NEGR1: variants seen among roughly 807,000 people sequenced by gnomAD.
The protein encoded by NEGR1 is neuronal growth regulator 1, also known as IgLON family member 4.
In NEGR1, 10 loss-of-function variants were observed where a neutral mutation model predicts 40.9. That is an observed-to-expected ratio of 0.24 (90% CI 0.15 to 0.42). The LOEUF is 0.42. Among genes scored for constraint, NEGR1 ranks in the 10% least tolerant of loss-of-function variants. The probability of loss-of-function intolerance (pLI) is 1.00; values close to 1 mark genes in which losing one functional copy is unlikely to be tolerated. For synonymous variants in NEGR1, 185 were observed against 166.8 expected, an observed-to-expected ratio of 1.11 and a Z score of -0.84; for missense variants, 352 against 438.9, an observed-to-expected ratio of 0.80 and a Z score of 1.77.
In NEGR1 at chr1:71,598,890, A is replaced by G. The variant is rs546261822; in HGVS notation, c.789-5922T>C. Among the ~76,000 whole-genome samples the G allele has an allele frequency of 8.5e-5, 13 of 152,194 alleles. No homozygotes were observed. In the East Asian group the frequency reaches 2.5e-3, roughly 29 times the overall value. On this transcript the variant is annotated intron_variant, in intron 5 of 6. Transcript: ENST00000357731. Reference sequence around the variant, plus strand: ...TCATTTCAGCTTTAAGTTTTCATATATTTGTGTGATTTTTTATTAATATCC... The same window carrying G: ...TCATTTCAGCTTTAAGTTTTCATATGTTTGTGTGATTTTTTATTAATATCC...
chr1:71,473,473 A>G lies in NEGR1; in HGVS notation c.941-65903T>C, dbSNP rs1646796853. Among the ~76,000 whole-genome samples the G allele has an allele frequency of 2.0e-5, 3 of 152,114 alleles. No homozygotes were observed. In the South Asian group the frequency reaches 6.2e-4, roughly 31 times the overall value. On this transcript the variant is annotated intron_variant, in intron 6 of 6. Transcript: ENST00000357731. ...CATATCATAAAACAACTGGGAGTAAAAGAGTTAACACTATACCTGCAACTT... is the reference window on the plus strand; with the variant it reads ...CATATCATAAAACAACTGGGAGTAAGAGAGTTAACACTATACCTGCAACTT...
chr1:72,098,060 A>T (rs1411395564), intron 1 of NEGR1, among the ~76,000 whole-genome samples: 3 of 152,152 alleles, frequency 2.0e-5, no homozygotes, highest in Non-Finnish European at 2.9e-5. Flanking sequence ...TAGGGTCAAG[A>T]GTGACCTCCA....
At position 71,457,594 on chromosome 1, in the gene NEGR1, G is replaced by T. The variant is rs1395571375; in HGVS notation, c.941-50024C>A. ...AGTTTTTTATTGCGAATTCAGCGAG[G>T]ACATTAACATTTTTATATGTAAATA... On this transcript the variant is annotated intron_variant, in intron 6 of 6. Coordinates refer to ENST00000357731, the MANE Select transcript of NEGR1 (RefSeq NM_173808.3). Among the ~76,000 whole-genome samples the T allele has an allele frequency of 2.0e-5, 3 of 152,124 alleles. No individual in the cohort carries two copies. In the East Asian group the frequency reaches 5.8e-4, roughly 29 times the overall value.
intron 2 of NEGR1, among the ~76,000 whole-genome samples, chr1:71,925,377 C>A (rs1645763145): frequency 6.6e-6 from 1 of 152,162 alleles, no homozygotes; most frequent in Non-Finnish European, 1.5e-5. Context: ...CGAATCTTTC[C>A]ACTTCTAACC....
intron 6 of NEGR1, among the ~76,000 whole-genome samples, chr1:71,437,217 G>A (rs1327489520): frequency 6.6e-6 from 1 of 151,830 alleles, no homozygotes; most frequent in Non-Finnish European, 1.5e-5. Flanking sequence ...TCCAGAATAG[G>A]CAACAATATA....
At chr1:71,512,678 G>A (rs866463750) in intron 6 of NEGR1, among the ~76,000 whole-genome samples, 2 of 151,826 alleles carry the variant, frequency 1.3e-5, no homozygotes, top group Non-Finnish European at 2.9e-5. Context: ...TGCCTCCCAG[G>A]TTCAAGCAGT....
At chr1:72,234,306 GAT>G (rs1466981640) in intron 1 of NEGR1, among the ~76,000 whole-genome samples, 1 of 152,056 alleles carries the variant, frequency 6.6e-6, no homozygotes, top group Non-Finnish European at 1.5e-5. Context: ...TCCTGCAAAG[GAT>G]ATAGTCTTGT....
intron 6 of NEGR1, among the ~76,000 whole-genome samples, chr1:71,449,518 T>C (rs1249853141): frequency 2.0e-5 from 3 of 152,246 alleles, no homozygotes; most frequent in Admixed American, 6.5e-5. Context: ...AGTTACATTC[T>C]GTGAACAATT....
intron 2 of NEGR1, among the ~76,000 whole-genome samples, chr1:71,861,094 T>C (rs1659932032): frequency 6.6e-6 from 1 of 152,076 alleles, no homozygotes; most frequent in African/African-American, 2.4e-5. Context: ...AATATTTTAT[T>C]GGATCTGTAT....
intron 1 of NEGR1, among the ~76,000 whole-genome samples, chr1:72,187,264 T>C (rs1004882619): frequency 2.6e-5 from 4 of 151,536 alleles, no homozygotes; most frequent in African/African-American, 9.7e-5. Context: ...ACTTCAAAAG[T>C]TTATCAGTAA....
At chr1:71,450,414 T>G (rs1646618531) in intron 6 of NEGR1, among the ~76,000 whole-genome samples, 5 of 152,216 alleles carry the variant, frequency 3.3e-5, no homozygotes, top group Admixed American at 2.6e-4. Flanking sequence ...AAATACTATA[T>G]ATAACTAAAA....
At chr1:71,876,890 T>A (rs1247911978) in intron 2 of NEGR1, among the ~76,000 whole-genome samples, 1 of 152,132 alleles carries the variant, frequency 6.6e-6, no homozygotes, top group Non-Finnish European at 1.5e-5. Flanking sequence ...AAATCAGACC[T>A]CTGTTTTAGA....
At chr1:71,800,397 G>T (rs1372410095) in intron 2 of NEGR1, among the ~76,000 whole-genome samples, 2 of 152,038 alleles carry the variant, frequency 1.3e-5, no homozygotes, top group African/African-American at 4.8e-5. Context: ...ACTGCTATTG[G>T]TGTTTCGATC....
intron 1 of NEGR1, among the ~76,000 whole-genome samples, chr1:71,953,315 C>T (rs1439778790): frequency 3.3e-5 from 5 of 151,712 alleles, no homozygotes; most frequent in African/African-American, 4.8e-5. Flanking sequence ...ACTGGAGATG[C>T]GGTGGAAATA....
chr1:71,800,497 T>C (rs1657517026), intron 2 of NEGR1, among the ~76,000 whole-genome samples: 1 of 152,196 alleles, frequency 6.6e-6, no homozygotes, highest in South Asian at 2.1e-4. Flanking sequence ...AGTTTATTAT[T>C]TGCAAAATTC....
intron 1 of NEGR1, among the ~76,000 whole-genome samples, chr1:72,078,620 CAT>C (rs3080207): frequency 0.022 from 2,985 of 135,808 alleles, 105 homozygotes; most frequent in African/African-American, 0.077. Flanking sequence ...CATATACACT[CAT>C]ATATATATAT....
At chr1:71,655,777 G>A (rs888470467) in intron 4 of NEGR1, among the ~76,000 whole-genome samples, 6 of 152,086 alleles carry the variant, frequency 3.9e-5, no homozygotes, top group Non-Finnish European at 8.8e-5. Flanking sequence ...AGTTTATTAT[G>A]CAAATGATTG....
chr1:71,929,531 G>A (rs1225955477), intron 2 of NEGR1, among the ~76,000 whole-genome samples: 2 of 151,972 alleles, frequency 1.3e-5, no homozygotes, highest in Non-Finnish European at 2.9e-5. Flanking sequence ...CAATATGAGA[G>A]TCTTGTCATG....
chr1:72,099,649 G>T (rs1569962497), intron 1 of NEGR1, among the ~76,000 whole-genome samples: 1 of 151,780 alleles, frequency 6.6e-6, no homozygotes, highest in Non-Finnish European at 1.5e-5. Context: ...TATTTATTTT[G>T]CACAGTAATT....
Sources: gnomAD v4.1 joint callset for allele counts (sites outside exome capture counted in the v4.1 genomes callset) on GRCh38, gnomAD v4.1.1 for gene constraint, MANE v1.5 for transcripts, NCBI Gene and HGNC (gene_info 2026-07-23, HGNC 2026-07-21) for gene names.